TMA16: variants seen among roughly 807,000 people sequenced by gnomAD.
The protein encoded by TMA16 is translation machinery-associated protein 16.
Under a neutral mutation model 27.1 loss-of-function variants are expected in TMA16, and 26 were observed. That is an observed-to-expected ratio of 0.96 (90% CI 0.70 to 1.33). TMA16 has a LOEUF of 1.33. Ranked by LOEUF, TMA16 falls within the 40% of genes most tolerant of loss-of-function variation. TMA16 has a pLI of 0.00. For missense variants in TMA16, 233 were observed against 241.4 expected, an observed-to-expected ratio of 0.97 and a Z score of 0.23; for synonymous variants, 71 against 81.9, an observed-to-expected ratio of 0.87 and a Z score of 0.72.
intron 1 of TMA16, among the ~76,000 whole-genome samples, chr4:163,500,244 T>C (rs1254406962): frequency 6.8e-6 from 1 of 147,886 alleles, no homozygotes; most frequent in Non-Finnish European, 1.5e-5. Flanking sequence ...GGAGTCTTGC[T>C]CTGTCACCCA....
At chr4:163,497,638 A>G (rs1737578050) in intron 1 of TMA16, among the ~76,000 whole-genome samples, 1 of 152,204 alleles carries the variant, frequency 6.6e-6, no homozygotes. Flanking sequence ...ATTTTCCCCC[A>G]GAGAAGGTTA....
intron 6 of TMA16, among the ~76,000 whole-genome samples, chr4:163,518,837 A>C (rs1169116157): frequency 1.3e-5 from 2 of 152,116 alleles, no homozygotes; most frequent in African/African-American, 4.8e-5. Context: ...TTTATTTCTA[A>C]AACAATATAT....
intron 2 of TMA16, among the ~76,000 whole-genome samples, chr4:163,509,534 C>G (rs1243925468): frequency 1.3e-5 from 2 of 152,202 alleles, no homozygotes; most frequent in East Asian, 3.8e-4. Flanking sequence ...AAGCCTGCAG[C>G]TAAGCTGTTG....
chr4:163,516,332 A>G (rs1321699211), intron 5 of TMA16, among the ~76,000 whole-genome samples: 1 of 152,202 alleles, frequency 6.6e-6, no homozygotes, highest in Non-Finnish European at 1.5e-5. Context: ...TAAGATTTTG[A>G]GAAGACTAGA....
In TMA16 at chr4:163,510,466, T is replaced by C. The variant is rs952092997; in HGVS notation, c.117-2356T>C. On this transcript the variant is annotated intron_variant, in intron 2 of 6. Coordinates refer to ENST00000358572, the MANE Select transcript of TMA16 (RefSeq NM_018352.3). ...TGAGATTTATCTTTCTAATGTTTAATATAAATGGGATCATGCTGTATGTGG... is the reference window on the plus strand; with the variant it reads ...TGAGATTTATCTTTCTAATGTTTAACATAAATGGGATCATGCTGTATGTGG... Among the ~76,000 whole-genome samples, 9 of 152,344 alleles carry C rather than the reference T, an allele frequency of 5.9e-5. No individual in the cohort carries two copies. In the East Asian group the frequency reaches 1.5e-3, roughly 26 times the overall value.
intron 5 of TMA16, 105 bp downstream of exon 5, chr4:163,515,566 T>G: frequency 7.2e-7 from 1 of 1,387,058 alleles, no homozygotes; most frequent in East Asian, 2.4e-5. Flanking sequence ...CATTTGATTT[T>G]CTTCCTTTGA....
intron 1 of TMA16, among the ~76,000 whole-genome samples, chr4:163,500,931 T>G (rs1008212640): frequency 8.5e-5 from 13 of 152,230 alleles, no homozygotes; most frequent in Non-Finnish European, 1.5e-4. Flanking sequence ...ACTATTGTAT[T>G]TAAGTTGGAA....
At chr4:163,509,193 TACTTA>T (rs1560914299) in intron 2 of TMA16, among the ~76,000 whole-genome samples, 1 of 152,164 alleles carries the variant, frequency 6.6e-6, no homozygotes, top group Non-Finnish European at 1.5e-5. Flanking sequence ...CCACGAGTCA[TACTTA>T]ACTTTAAATG....
At chr4:163,518,190 G>A (rs753517005) in intron 6 of TMA16, among the ~76,000 whole-genome samples, 1 of 152,032 alleles carries the variant, frequency 6.6e-6, no homozygotes, top group African/African-American at 2.4e-5. Flanking sequence ...ATGACCTTGT[G>A]TACCCAATGT....
rs1362369021 is a variant in TMA16 at position 163,507,074 on chromosome 4, A to G, written c.45A>G (p.Lys15=). 6.3e-7 allele frequency: 1 copy of G among 1,596,088 alleles called. No homozygotes were observed. Among genetic ancestry groups the G allele is most frequent in the South Asian group, 1.1e-5 (1 of 87,698 alleles). Residue 15 remains lysine, a synonymous_variant, in exon 2 of 7, where the codon AAA becomes AAG. Coordinates refer to ENST00000358572, the MANE Select transcript of TMA16 (RefSeq NM_018352.3). ...PKGKSAGREK[K]VIHPYSRKAA... The stretch of plus-strand genomic sequence containing the variant: ...GAAAAAGTGCAGGACGGGAAAAAAA[A>G]GTCATCCATCCATATAGTAGAAAAG...
At chr4:163,510,426 C>G (rs757217146) in intron 2 of TMA16, among the ~76,000 whole-genome samples, 4 of 152,152 alleles carry the variant, frequency 2.6e-5, no homozygotes, top group African/African-American at 9.7e-5. Context: ...CTAATTTGCT[C>G]TTTATTTTGA....
intron 2 of TMA16, 58 bp downstream of exon 2, chr4:163,507,203 A>G (rs1737730268): frequency 3.6e-6 from 5 of 1,406,316 alleles, no homozygotes; most frequent in Non-Finnish European, 4.9e-6. Context: ...TTATACTTTT[A>G]TCTTTCAAAC....
chr4:163,508,619 G>A (rs1737749784), intron 2 of TMA16, among the ~76,000 whole-genome samples: 1 of 152,098 alleles, frequency 6.6e-6, no homozygotes, highest in Non-Finnish European at 1.5e-5. Context: ...AGGATCAAAA[G>A]AAAATGGAGG....
At chr4:163,504,850 G>A (rs1001859159) in intron 1 of TMA16, among the ~76,000 whole-genome samples, 27 of 152,100 alleles carry the variant, frequency 1.8e-4, no homozygotes, top group African/African-American at 6.3e-4. Context: ...CTGGTTCTTG[G>A]TAGGATTCAG....
intron 1 of TMA16, among the ~76,000 whole-genome samples, chr4:163,505,600 G>T (rs1046680354): frequency 9.9e-5 from 15 of 152,206 alleles, no homozygotes; most frequent in African/African-American, 1.4e-4. Context: ...AAATAGCTTG[G>T]TATGTTCTGG....
At chr4:163,510,902 A>G (rs1737783201) in intron 2 of TMA16, among the ~76,000 whole-genome samples, 2 of 152,226 alleles carry the variant, frequency 1.3e-5, no homozygotes, top group South Asian at 2.1e-4. Context: ...GCTGTTAGGA[A>G]TAAAGTTCAT....
intron 2 of TMA16, among the ~76,000 whole-genome samples, chr4:163,507,620 T>A (rs1737736645): frequency 6.6e-6 from 1 of 151,878 alleles, no homozygotes; most frequent in Non-Finnish European, 1.5e-5. Context: ...TCAGCATCCA[T>A]GTGGGATTTC....
At chr4:163,510,672 T>C (rs74553887) in intron 2 of TMA16, among the ~76,000 whole-genome samples, 2,530 of 152,344 alleles carry the variant, frequency 0.017, 64 homozygotes, top group African/African-American at 0.057. Context: ...CGTTTGGTTA[T>C]ATTTTCATTT....
chr4:163,511,108 G>T (rs954652406), intron 2 of TMA16, among the ~76,000 whole-genome samples: 1 of 152,132 alleles, frequency 6.6e-6, no homozygotes, highest in East Asian at 1.9e-4. Flanking sequence ...GGATCATTTG[G>T]TGTATATTTA....
Sources: gnomAD v4.1 joint callset for allele counts (sites outside exome capture counted in the v4.1 genomes callset) on GRCh38, gnomAD v4.1.1 for gene constraint, MANE v1.5 for transcripts, NCBI Gene and HGNC (gene_info 2026-07-23, HGNC 2026-07-21) for gene names.